Variants in NXPE2 observed in about 807,000 individuals in gnomAD.
NXPE2 encodes NXPE family member 2.
Under a neutral mutation model 34.4 loss-of-function variants are expected in NXPE2, and 34 were observed. That is an observed-to-expected ratio of 0.99 (90% CI 0.75 to 1.31). The LOEUF is 1.31. NXPE2 is among the 40% of genes most tolerant of loss of function. The pLI is 0.00. For missense variants in NXPE2, 649 were observed against 672.5 expected (o/e 0.97, Z 0.39); for synonymous variants, 235 against 231.3 (o/e 1.02, Z -0.15).
chr11:114,589,869 A>G, the NXPE2 span, among the ~76,000 whole-genome samples: 5 of 152,198 alleles, frequency 3.3e-5, no homozygotes, highest in Admixed American at 1.3e-4. Context: ...CCAATGCAGA[A>G]TGGAGATTCA....
the NXPE2 span, among the ~76,000 whole-genome samples, chr11:114,767,331 G>A: frequency 6.6e-6 from 1 of 152,126 alleles, no homozygotes; most frequent in African/African-American, 2.4e-5. Flanking sequence ...AAAACTGACA[G>A]TGGAGCTCAA....
chr11:114,698,094 T>C lies in NXPE2; in HGVS notation c.182T>C (p.Phe61Ser), dbSNP rs771083510. Residue 61 changes from phenylalanine (F) to serine (S), a missense_variant, in exon 3 of 6, where the codon TTC (phenylalanine) becomes TCC (serine). By Grantham distance (155) the Phe-to-Ser change is radical. Transcript: ENST00000389586. ...ATTATCCTGAACCAAGGGAACATCT[T>C]CAAAAAATATTCACACTCTGAAACA... ...NHIILNQGNI[F>S]KKYSHSETPL... The C allele has an allele frequency of 2.9e-5, 46 of 1,604,306 alleles. 1 individual carries two copies. The Middle Eastern group carries it at 1.7e-3, about 58-fold the overall frequency.
At chr11:114,647,465 G>A in the NXPE2 span, among the ~76,000 whole-genome samples, 1 of 152,072 alleles carries the variant, frequency 6.6e-6, no homozygotes, top group Non-Finnish European at 1.5e-5. Flanking sequence ...GGGGGACAAA[G>A]TCTTTACCAT....
the NXPE2 span, among the ~76,000 whole-genome samples, chr11:114,602,046 A>C: frequency 1.1e-5 from 1 of 91,044 alleles, no homozygotes; most frequent in Non-Finnish European, 1.9e-5. Flanking sequence ...TATAATATAT[A>C]TTATATTATA....
the NXPE2 span, among the ~76,000 whole-genome samples, chr11:114,502,537 A>T: frequency 4.6e-5 from 7 of 152,200 alleles, no homozygotes; most frequent in Non-Finnish European, 1.0e-4. Context: ...TTATAATATT[A>T]CTGTTATTTG....
the NXPE2 span, among the ~76,000 whole-genome samples, chr11:114,624,503 C>G: frequency 2.0e-5 from 3 of 152,028 alleles, no homozygotes; most frequent in East Asian, 5.8e-4. Context: ...GCCCTGTTGC[C>G]CACTGGATAA....
the NXPE2 span, among the ~76,000 whole-genome samples, chr11:114,637,463 A>T: frequency 6.6e-6 from 1 of 151,768 alleles, no homozygotes; most frequent in Non-Finnish European, 1.5e-5. Context: ...GTCCATTTAC[A>T]TTTAAAGTTA....
chr11:114,654,466 C>T, the NXPE2 span, among the ~76,000 whole-genome samples: 1 of 151,928 alleles, frequency 6.6e-6, no homozygotes, highest in Non-Finnish European at 1.5e-5. Flanking sequence ...TATGTGCCCT[C>T]CCCTCACCAC....
chr11:114,465,499 C>G, the NXPE2 span, among the ~76,000 whole-genome samples: 2 of 152,034 alleles, frequency 1.3e-5, no homozygotes, highest in African/African-American at 4.8e-5. Flanking sequence ...GGAAGGGCAT[C>G]AAAATCAGGA....
chr11:114,467,150 CTA>C, the NXPE2 span, among the ~76,000 whole-genome samples: 2 of 152,176 alleles, frequency 1.3e-5, no homozygotes, highest in African/African-American at 4.8e-5. Context: ...AGGAAAACAT[CTA>C]TCTGTAGTGA....
the NXPE2 span, among the ~76,000 whole-genome samples, chr11:114,639,990 A>G: frequency 8.5e-6 from 1 of 117,554 alleles, no homozygotes; most frequent in African/African-American, 3.5e-5. Flanking sequence ...TAATATAATA[A>G]TGTTATATAA....
the NXPE2 span, among the ~76,000 whole-genome samples, chr11:114,799,311 A>AAAAAAAAAAG: frequency 5.3e-5 from 7 of 133,020 alleles, no homozygotes; most frequent in East Asian, 2.2e-4. Flanking sequence ...AAAAAAAAAA[A>AAAAAAAAAAG]AAAATTGGTG....
the NXPE2 span, among the ~76,000 whole-genome samples, chr11:114,636,673 C>T: frequency 6.6e-6 from 1 of 152,026 alleles, no homozygotes; most frequent in Admixed American, 6.6e-5. Flanking sequence ...TCTTTGTTCT[C>T]ATTGATTTCA....
the NXPE2 span, among the ~76,000 whole-genome samples, chr11:114,556,071 C>T: frequency 6.6e-6 from 1 of 152,090 alleles, no homozygotes; most frequent in Non-Finnish European, 1.5e-5. Flanking sequence ...TAACTTTTGA[C>T]AAATCTACAA....
the NXPE2 span, among the ~76,000 whole-genome samples, chr11:114,755,830 TTC>T: frequency 6.6e-6 from 1 of 152,072 alleles, no homozygotes; most frequent in African/African-American, 2.4e-5. Flanking sequence ...TGGATTAGAT[TTC>T]TCTCCTCAAA....
At chr11:114,781,423 G>T in the NXPE2 span, among the ~76,000 whole-genome samples, 1 of 152,210 alleles carries the variant, frequency 6.6e-6, no homozygotes, top group African/African-American at 2.4e-5. Flanking sequence ...CAAAGGATTT[G>T]CAGGAAAAGG....
the NXPE2 span, among the ~76,000 whole-genome samples, chr11:114,641,847 A>G: frequency 2.6e-5 from 4 of 152,098 alleles, no homozygotes; most frequent in Admixed American, 2.6e-4. Flanking sequence ...GATTTTTTAA[A>G]GATTATTTGG....
At chr11:114,806,639 T>A in the NXPE2 span, among the ~76,000 whole-genome samples, 2 of 151,862 alleles carry the variant, frequency 1.3e-5, no homozygotes, top group Admixed American at 6.5e-5. Context: ...GAAGAGAAGT[T>A]TAGAGAAAAA....
At chr11:114,507,183 A>C in the NXPE2 span, among the ~76,000 whole-genome samples, 1 of 151,768 alleles carries the variant, frequency 6.6e-6, no homozygotes, top group Non-Finnish European at 1.5e-5. Context: ...GAAAAAATTG[A>C]ATCCCTGAAC....
Sources: gnomAD v4.1 joint callset for allele counts (sites outside exome capture counted in the v4.1 genomes callset) on GRCh38, gnomAD v4.1.1 for gene constraint, MANE v1.5 for transcripts, NCBI Gene and HGNC (gene_info 2026-07-23, HGNC 2026-07-21) for gene names.